Variants in RYR3 observed in about 807,000 individuals in gnomAD.
RYR3 encodes the protein ryanodine receptor 3.
In RYR3, 207 loss-of-function variants were observed where a neutral mutation model predicts 584.3. That is an observed-to-expected ratio of 0.35 (90% confidence interval 0.32 to 0.40). The LOEUF is 0.40. Ranked by LOEUF, RYR3 falls within the 10% of genes least tolerant of loss-of-function variation. The probability of loss-of-function intolerance (pLI) is 1.00; values close to 1 mark genes in which losing one functional copy is unlikely to be tolerated. For missense variants in RYR3, 5,616 were observed against 6,089.2 expected (o/e 0.92, Z 2.59); for synonymous variants, 2,416 against 2,248.5 (o/e 1.07, Z -2.11).
chr15:33,724,213 A>G, intron 45 of RYR3, 37 bp downstream of exon 45: 1 of 1,153,732 alleles, frequency 8.7e-7, no homozygotes, highest in South Asian at 1.3e-5. Context: ...GCTTTGAGAA[A>G]CCTATGCCAA....
chr15:33,694,337 C>T (rs957005917), intron 38 of RYR3, among the ~76,000 whole-genome samples: 15 of 151,766 alleles, frequency 9.9e-5, no homozygotes, highest in African/African-American at 2.2e-4. Flanking sequence ...CTCCGCCTCC[C>T]GGGTTCACGC....
chr15:33,627,235 T>A (rs1360847031), intron 20 of RYR3, among the ~76,000 whole-genome samples: 2 of 152,176 alleles, frequency 1.3e-5, no homozygotes, highest in African/African-American at 4.8e-5. Flanking sequence ...GAATTTTATA[T>A]GAAGTCTCCC....
At chr15:33,575,834 T>TAAA (rs1555535394) in intron 12 of RYR3, among the ~76,000 whole-genome samples, 2 of 144,510 alleles carry the variant, frequency 1.4e-5, no homozygotes, top group African/African-American at 2.5e-5. Flanking sequence ...GAGCTGGTTT[T>TAAA]AAAAAAAAAA....
chr15:33,795,916 TTAAA>T (rs2075588130), intron 67 of RYR3, among the ~76,000 whole-genome samples: 1 of 152,128 alleles, frequency 6.6e-6, no homozygotes, highest in Admixed American at 6.6e-5. Flanking sequence ...GCATTGAACT[TTAAA>T]TAGTGAGATT....
intron 43 of RYR3, among the ~76,000 whole-genome samples, chr15:33,717,531 A>G (rs1425282210): frequency 1.3e-5 from 2 of 151,816 alleles, no homozygotes; most frequent in African/African-American, 4.8e-5. Context: ...CTCCATCTCC[A>G]CTGGCCACTT....
At chr15:33,783,758 T>C (rs1294876362) in intron 65 of RYR3, among the ~76,000 whole-genome samples, 2 of 152,194 alleles carry the variant, frequency 1.3e-5, no homozygotes, top group Non-Finnish European at 2.9e-5. Flanking sequence ...TCTGAGAGTA[T>C]GTGTATAAAA....
At chr15:33,522,630 G>A (rs993185815) in intron 3 of RYR3, among the ~76,000 whole-genome samples, 1 of 152,170 alleles carries the variant, frequency 6.6e-6, no homozygotes, top group African/African-American at 2.4e-5. Context: ...GAGAAGGAGG[G>A]TTTGGCAATT....
At chr15:33,597,833 A>AC (rs1482597191) in intron 16 of RYR3, among the ~76,000 whole-genome samples, 1 of 151,610 alleles carries the variant, frequency 6.6e-6, no homozygotes, top group Non-Finnish European at 1.5e-5. Context: ...TGTACACACA[A>AC]AAAAATACAT....
At position 33,317,900 on chromosome 15, in the gene RYR3, C is replaced by T. The variant is rs549304084; in HGVS notation, c.51+6804C>T. On this transcript the variant is annotated intron_variant, in intron 1 of 103. Coordinates refer to ENST00000634891, the MANE Select transcript of RYR3 (RefSeq NM_001036.6). ...ACCAGGGCCTTCTTTTTTCACCTTC[C>T]ACCTCCCTATACAGTGAACTCCTCA... Among the ~76,000 whole-genome samples the T allele has an allele frequency of 5.9e-5, 9 of 152,274 alleles. No individual in the cohort carries two copies. In the South Asian group the frequency reaches 1.7e-3, roughly 28 times the overall value.
At chr15:33,832,683 G>A (rs1011841552) in intron 86 of RYR3, among the ~76,000 whole-genome samples, 15 of 149,332 alleles carry the variant, frequency 1.0e-4, no homozygotes, top group South Asian at 2.1e-4. Flanking sequence ...CCCTACATAC[G>A]TATGAGTTCA....
intron 38 of RYR3, among the ~76,000 whole-genome samples, chr15:33,674,739 T>A (rs4780149): frequency 6.6e-6 from 1 of 150,902 alleles, no homozygotes; most frequent in Non-Finnish European, 1.5e-5. Context: ...GGAAATTGTC[T>A]GTGAAGAATG....
At chr15:33,497,292 A>G (rs955317612) in intron 2 of RYR3, among the ~76,000 whole-genome samples, 7 of 152,260 alleles carry the variant, frequency 4.6e-5, no homozygotes, top group East Asian at 1.9e-4. Context: ...AATGCTGTCT[A>G]CATGGTCTTT....
intron 30 of RYR3, 146 bp downstream of exon 30, chr15:33,647,606 A>G: frequency 1.6e-6 from 1 of 614,848 alleles, no homozygotes; most frequent in Non-Finnish European, 2.9e-6. Flanking sequence ...TGCTTCCAGA[A>G]CACATCTGTG....
intron 1 of RYR3, among the ~76,000 whole-genome samples, chr15:33,320,369 T>C (rs1401214758): frequency 6.6e-6 from 1 of 152,248 alleles, no homozygotes; most frequent in Non-Finnish European, 1.5e-5. Flanking sequence ...ATCATATGGA[T>C]GTAGACATCA....
At chr15:33,612,645 C>A (rs1173103443) in intron 18 of RYR3, among the ~76,000 whole-genome samples, 1 of 152,230 alleles carries the variant, frequency 6.6e-6, no homozygotes, top group Non-Finnish European at 1.5e-5. Flanking sequence ...CAGGCGTGAG[C>A]CACTGTGCCC....
intron 13 of RYR3, among the ~76,000 whole-genome samples, chr15:33,581,181 C>A (rs1050562953): frequency 1.3e-5 from 2 of 152,058 alleles, no homozygotes; most frequent in Non-Finnish European, 2.9e-5. Context: ...CACTTCACAC[C>A]AGACTGAAAG....
chr15:33,467,706 C>T (rs562965883), intron 1 of RYR3, among the ~76,000 whole-genome samples: 4 of 152,282 alleles, frequency 2.6e-5, no homozygotes, highest in East Asian at 1.9e-4. Flanking sequence ...GAATAGCTGG[C>T]GTGTGTGAAC....
At chr15:33,421,965 T>C (rs1040603108) in intron 1 of RYR3, among the ~76,000 whole-genome samples, 20 of 152,192 alleles carry the variant, frequency 1.3e-4, no homozygotes, top group African/African-American at 4.8e-4. Context: ...TTTTTTGAGG[T>C]TGGTAGTATT....
chr15:33,805,564 G>A (rs920274035), intron 69 of RYR3, among the ~76,000 whole-genome samples: 4 of 149,374 alleles, frequency 2.7e-5, no homozygotes, highest in East Asian at 2.0e-4. Flanking sequence ...TGCAAGCTCC[G>A]CCTCCCTGGT....
Sources: gnomAD v4.1 joint callset for allele counts (sites outside exome capture counted in the v4.1 genomes callset) on GRCh38, gnomAD v4.1.1 for gene constraint, MANE v1.5 for transcripts, NCBI Gene and HGNC (gene_info 2026-07-23, HGNC 2026-07-21) for gene names.